Variants in METTL9 observed in about 807,000 individuals in gnomAD.
METTL9 encodes methyltransferase 9, His-X-His N1(pi)-histidine, also known as protein-L-histidine N-pros-methyltransferase.
In METTL9, 10 loss-of-function variants were observed where a neutral mutation model predicts 36.0. The ratio of observed to expected loss-of-function variants is 0.28; its 90% CI spans 0.17 to 0.47. The LOEUF (loss-of-function observed/expected upper bound fraction) is 0.47, where lower values mean the gene tolerates loss of function less well. Among genes scored for constraint, METTL9 ranks in the 20% least tolerant of loss-of-function variants. The pLI, the probability that METTL9 is intolerant of heterozygous loss-of-function variation, is 0.99. For synonymous variants in METTL9, 175 were observed against 149.7 expected (o/e 1.17, Z -1.23); for missense variants, 246 against 383.5 (o/e 0.64, Z 3.00).
At chr16:21,647,487 C>G (rs1375131087) in intron 4 of METTL9, 5 of 1,609,026 alleles carry the variant, frequency 3.1e-6, no homozygotes, top group Non-Finnish European at 4.3e-6. Context: ...CAGGCGCCCA[C>G]AGCACCTGTG....
At chr16:21,630,525 G>T (rs1237254378) in intron 4 of METTL9, among the ~76,000 whole-genome samples, 1 of 152,174 alleles carries the variant, frequency 6.6e-6, no homozygotes, top group Admixed American at 6.5e-5. Flanking sequence ...GTCTAAACAG[G>T]ATACCCCCAA....
chr16:21,612,161 G>T (rs1451468665), intron 1 of METTL9: 2 of 152,546 alleles, frequency 1.3e-5, no homozygotes, highest in African/African-American at 4.8e-5. Context: ...TGCTATTTGG[G>T]TTTGTTTGGT....
intron 4 of METTL9, among the ~76,000 whole-genome samples, chr16:21,635,518 C>T (rs1468115441): frequency 1.3e-5 from 2 of 152,138 alleles, no homozygotes; most frequent in Non-Finnish European, 2.9e-5. Flanking sequence ...AAAGCTTGGA[C>T]ATAAGGTATT....
At chr16:21,624,741 T>TA (rs201717884) in intron 3 of METTL9, among the ~76,000 whole-genome samples, 190 bp from the exon 4 acceptor site, 31 of 143,472 alleles carry the variant, frequency 2.2e-4, no homozygotes, top group Middle Eastern at 3.5e-3. Flanking sequence ...AAGAAAAAAT[T>TA]AAAAAAAAAA....
chr16:21,643,095 A>G, intron 4 of METTL9: 1 of 1,606,834 alleles, frequency 6.2e-7, no homozygotes, highest in African/African-American at 1.3e-5. Context: ...TTGTTTCCAC[A>G]TGTCTCTTAT....
intron 1 of METTL9, among the ~76,000 whole-genome samples, chr16:21,604,674 G>A (rs1472611600): frequency 6.6e-6 from 1 of 152,208 alleles, no homozygotes; most frequent in Admixed American, 6.5e-5. Flanking sequence ...ATGGTGAAAT[G>A]TCTGGACTGA....
chr16:21,615,993 A>T (rs954966419), intron 2 of METTL9, among the ~76,000 whole-genome samples: 2 of 152,118 alleles, frequency 1.3e-5, no homozygotes, highest in African/African-American at 4.8e-5. Context: ...GGGGCAGAAG[A>T]TTTACTGTAA....
At chr16:21,629,099 G>T (rs997812692) in intron 4 of METTL9, among the ~76,000 whole-genome samples, 1 of 151,906 alleles carries the variant, frequency 6.6e-6, no homozygotes, top group African/African-American at 2.4e-5. Flanking sequence ...TCGCTATGTT[G>T]GCCAGGCTGA....
At chr16:21,648,046 C>A (rs1237959601) in intron 4 of METTL9, among the ~76,000 whole-genome samples, 1 of 152,072 alleles carries the variant, frequency 6.6e-6, no homozygotes, top group South Asian at 2.1e-4. Context: ...GCCTGGTGTC[C>A]CTTTGGGAAA....
chr16:21,655,039 C>T, intron 4 of METTL9, 188 bp from the exon 5 acceptor site: 1 of 604,520 alleles, frequency 1.7e-6, no homozygotes, highest in Non-Finnish European at 2.9e-6. Flanking sequence ...AGTTCTTCAC[C>T]CCTTCTGAGT....
chr16:21,617,827 G>A (rs1198736295), intron 2 of METTL9, 38 bp from the exon 3 acceptor site: 1 of 1,566,354 alleles, frequency 6.4e-7, no homozygotes, highest in African/African-American at 1.4e-5. Context: ...TGCTTAATTT[G>A]CATAGACACT....
At chr16:21,604,585 T>A (rs1343244325) in intron 1 of METTL9, among the ~76,000 whole-genome samples, 1 of 152,058 alleles carries the variant, frequency 6.6e-6, no homozygotes, top group Admixed American at 6.5e-5. Context: ...GGTTATTGGG[T>A]TGAGTTTATA....
chr16:21,643,585 G>C (rs938325492), intron 4 of METTL9: 1 of 1,606,854 alleles, frequency 6.2e-7, no homozygotes. Flanking sequence ...GTTTCTTAGA[G>C]GGTTGGATTT....
chr16:21,602,694 G>A (rs950724969), intron 1 of METTL9, among the ~76,000 whole-genome samples: 4 of 149,590 alleles, frequency 2.7e-5, no homozygotes, highest in African/African-American at 2.5e-5. Flanking sequence ...GTCTCGCTTC[G>A]TCACCCAGGC....
intron 4 of METTL9, among the ~76,000 whole-genome samples, chr16:21,628,987 G>C (rs1437496351): frequency 6.6e-6 from 1 of 151,256 alleles, no homozygotes; most frequent in Admixed American, 6.6e-5. Context: ...TCCGCCTCCT[G>C]GGTTCAAGTG....
intron 4 of METTL9, among the ~76,000 whole-genome samples, chr16:21,634,315 T>C (rs1206734846): frequency 6.6e-6 from 1 of 152,174 alleles, no homozygotes; most frequent in Non-Finnish European, 1.5e-5. Flanking sequence ...CCCTCAATCC[T>C]GTTGTTGGAT....
intron 4 of METTL9, among the ~76,000 whole-genome samples, chr16:21,630,291 C>T (rs938263259): frequency 6.6e-6 from 1 of 152,226 alleles, no homozygotes; most frequent in East Asian, 1.9e-4. Flanking sequence ...GCCGAGCCTG[C>T]GCCCACCCGG....
chr16:21,632,898 T>C lies in METTL9; in HGVS notation c.751+7783T>C, dbSNP rs145252989. Reference sequence around the variant, plus strand: ...AGAGCTATCCCTGCTCTCTCTGTGATGTATAAAGAGAAGTTTTGTTCTGTG... The same window carrying C: ...AGAGCTATCCCTGCTCTCTCTGTGACGTATAAAGAGAAGTTTTGTTCTGTG... On this transcript the variant is annotated intron_variant, in intron 4 of 4. Transcript: ENST00000358154. Among the ~76,000 whole-genome samples the C allele has an allele frequency of 8.9e-3, 1,348 of 152,278 alleles. 48 individuals are homozygous for C. The highest frequency in any genetic ancestry group is 0.083 in the East Asian group (428 of 5,182).
At chr16:21,643,185 C>T in intron 4 of METTL9, 3 of 1,525,714 alleles carry the variant, frequency 2.0e-6, no homozygotes, top group Non-Finnish European at 2.7e-6. Flanking sequence ...AAAAAATTCT[C>T]TTTTGGGAAT....
Sources: allele counts gnomAD v4.1 joint callset (sites outside exome capture counted in the v4.1 genomes callset), GRCh38; gene constraint gnomAD v4.1.1; transcripts MANE v1.5; gene names NCBI Gene and HGNC (gene_info 2026-07-23, HGNC 2026-07-21).